Variants in SRBD1 observed in about 807,000 individuals in gnomAD.
The protein encoded by SRBD1 is S1 RNA binding domain 1.
In SRBD1, 88 loss-of-function variants were observed where a neutral mutation model predicts 115.3. That is an observed-to-expected ratio of 0.76 (90% CI 0.64 to 0.91). The LOEUF (loss-of-function observed/expected upper bound fraction) is 0.91, where lower values mean the gene tolerates loss of function less well. Among genes scored for constraint, SRBD1 ranks in the 40% least tolerant of loss-of-function variants. SRBD1 has a pLI of 0.00. For synonymous variants in SRBD1, 509 were observed against 407.7 expected, an observed-to-expected ratio of 1.25 and a Z score of -2.99; for missense variants, 1,385 against 1,177.4, an observed-to-expected ratio of 1.18 and a Z score of -2.58.
intron 14 of SRBD1, among the ~76,000 whole-genome samples, chr2:45,544,807 C>A (rs1390576572): frequency 1.3e-5 from 2 of 151,920 alleles, no homozygotes; most frequent in African/African-American, 2.4e-5. Flanking sequence ...TACAAACACA[C>A]TCATAAAAAA....
At chr2:45,396,981 T>C (rs1667164480) in intron 19 of SRBD1, among the ~76,000 whole-genome samples, 1 of 152,074 alleles carries the variant, frequency 6.6e-6, no homozygotes, top group Non-Finnish European at 1.5e-5. Flanking sequence ...AAGGGCAAAG[T>C]ACATCTAATA....
At chr2:45,418,592 A>G (rs745791158) in intron 17 of SRBD1, 51 bp from the exon 18 acceptor site, 5 of 1,541,096 alleles carry the variant, frequency 3.2e-6, no homozygotes, top group Non-Finnish European at 3.5e-6. Context: ...CTGAAAAGAC[A>G]ATGATATAAA....
chr2:45,420,013 C>T (rs1667950265), intron 16 of SRBD1, 119 bp from the exon 17 acceptor site: 1 of 849,126 alleles, frequency 1.2e-6, no homozygotes, highest in African/African-American at 1.7e-5. Flanking sequence ...TTCTTCATTC[C>T]TCTTAGACAC....
At chr2:45,392,500 T>C (rs1427056146) in intron 20 of SRBD1, among the ~76,000 whole-genome samples, 1 of 152,214 alleles carries the variant, frequency 6.6e-6, no homozygotes, top group East Asian at 1.9e-4. Flanking sequence ...ACAGAGATAT[T>C]ATCTTATTTG....
chr2:45,598,733 C>T (rs1272800744), intron 4 of SRBD1, among the ~76,000 whole-genome samples: 1 of 152,084 alleles, frequency 6.6e-6, no homozygotes, highest in Non-Finnish European at 1.5e-5. Flanking sequence ...GCCCTCAGCT[C>T]TACAGCCACA....
chr2:45,429,148 G>C (rs1220702856), intron 16 of SRBD1, among the ~76,000 whole-genome samples: 1 of 152,100 alleles, frequency 6.6e-6, no homozygotes, highest in East Asian at 1.9e-4. Flanking sequence ...AATTGAGCTA[G>C]TAATTAATAG....
chr2:45,583,005 A>G (rs988912984), intron 5 of SRBD1, among the ~76,000 whole-genome samples: 2 of 152,198 alleles, frequency 1.3e-5, no homozygotes, highest in African/African-American at 4.8e-5. Context: ...AAGGGTGGGC[A>G]CAGTAGTTCC....
At chr2:45,574,946 T>A (rs1446213907) in intron 7 of SRBD1, among the ~76,000 whole-genome samples, 1 of 152,138 alleles carries the variant, frequency 6.6e-6, no homozygotes, top group Non-Finnish European at 1.5e-5. Context: ...TGCCCAGTGG[T>A]AAAAATGCAT....
chr2:45,457,251 A>G (rs1195158314), intron 16 of SRBD1, among the ~76,000 whole-genome samples: 3 of 152,074 alleles, frequency 2.0e-5, no homozygotes, highest in East Asian at 3.9e-4. Flanking sequence ...GTCCACACAG[A>G]TTTGGGAAGC....
At chr2:45,596,946 A>ACACACC (rs1673916502) in intron 4 of SRBD1, among the ~76,000 whole-genome samples, 1 of 148,228 alleles carries the variant, frequency 6.7e-6, no homozygotes, top group Non-Finnish European at 1.5e-5. Context: ...ACACACACAC[A>ACACACC]CACACCCACA....
rs187560161 is a variant in SRBD1, at chr2:45,548,773, T to A, written c.1676-1161A>T. ...CCCACTGGCTGTAAAATGAACAGCATAAAAAGACAACTAGGATAACAAAAA... is the reference window on the plus strand; with the variant it reads ...CCCACTGGCTGTAAAATGAACAGCAAAAAAAGACAACTAGGATAACAAAAA... On this transcript the variant is annotated intron_variant, in intron 12 of 20. Coordinates refer to ENST00000263736, the MANE Select transcript of SRBD1 (RefSeq NM_018079.5). Among the ~76,000 whole-genome samples the A allele has an allele frequency of 5.2e-4, 75 of 144,146 alleles. 2 individuals carry two copies. In the East Asian group the frequency reaches 9.7e-3, roughly 19 times the overall value. 94.6% of individuals were successfully genotyped at this position (144,146 alleles called of 152,430 possible).
intron 16 of SRBD1, among the ~76,000 whole-genome samples, chr2:45,421,510 C>CAAAAAAAAAAA (rs869298079): frequency 4.0e-4 from 9 of 22,300 alleles, no homozygotes; most frequent in Admixed American, 7.2e-4. Flanking sequence ...CCGTCTCAAA[C>CAAAAAAAAAAA]AAAAAAAAAA....
intron 15 of SRBD1, among the ~76,000 whole-genome samples, chr2:45,477,903 TAG>T (rs1235361525): frequency 2.0e-5 from 3 of 152,142 alleles, no homozygotes; most frequent in African/African-American, 7.2e-5. Context: ...CAAGAAACTT[TAG>T]AGTTAATTTC....
Position 45,419,785 on chromosome 2 carries a change from C to T in SRBD1, c.2156+3G>A, listed in dbSNP as rs761140160. On this transcript the variant is annotated splice_donor_region_variant and intron_variant, in intron 17 of 20. Coordinates refer to ENST00000263736, the MANE Select transcript of SRBD1 (RefSeq NM_018079.5). ...GTGATCTTCAGCCACATATTTGTCTCACCTTAACAAAACTTCTGAACAGAT... is the reference window on the plus strand; with the variant it reads ...GTGATCTTCAGCCACATATTTGTCTTACCTTAACAAAACTTCTGAACAGAT... 7 of 1,612,934 alleles carry T rather than the reference C, an allele frequency of 4.3e-6. No homozygotes were observed. The African/African-American group carries it at 9.3e-5, about 22-fold the overall frequency.
In SRBD1 at chr2:45,431,569, G is replaced by C. The variant is rs376242364; in HGVS notation, c.2050-11675C>G. On this transcript the variant is annotated intron_variant, in intron 16 of 20. Transcript: ENST00000263736. ...ATGTTCTCACTCATAAATGGGAGTT[G>C]AACAATGAGAACACATGGACAAAGG... 6.1e-4 allele frequency among the ~76,000 whole-genome samples: 93 copies of C among 152,218 alleles called. 1 individual carries two copies. The highest frequency in any genetic ancestry group is 1.5e-3 in the East Asian group (8 of 5,174).
At chr2:45,598,614 A>G (rs1673982571) in intron 4 of SRBD1, among the ~76,000 whole-genome samples, 1 of 152,144 alleles carries the variant, frequency 6.6e-6, no homozygotes, top group Non-Finnish European at 1.5e-5. Flanking sequence ...CAAAAAAAAA[A>G]AAAAATTACG....
intron 12 of SRBD1, chr2:45,548,870 T>G (rs756910506): frequency 6.6e-6 from 1 of 151,812 alleles, no homozygotes; most frequent in African/African-American, 2.4e-5. Context: ...AAAAAGCAGG[T>G]GGGAACAATG....
intron 16 of SRBD1, among the ~76,000 whole-genome samples, chr2:45,457,944 A>G (rs528006248): frequency 6.6e-6 from 1 of 152,220 alleles, no homozygotes; most frequent in Admixed American, 6.5e-5. Flanking sequence ...GACTTTTTAC[A>G]AATTTTAAAC....
At chr2:45,492,014 GT>G (rs1355125253) in intron 14 of SRBD1, among the ~76,000 whole-genome samples, 1 of 152,064 alleles carries the variant, frequency 6.6e-6, no homozygotes, top group Non-Finnish European at 1.5e-5. Flanking sequence ...TAGAGACGGG[GT>G]TTTGCCGTGT....
Sources: allele counts gnomAD v4.1 joint callset (sites outside exome capture counted in the v4.1 genomes callset), GRCh38; gene constraint gnomAD v4.1.1; transcripts MANE v1.5; gene names NCBI Gene and HGNC (gene_info 2026-07-23, HGNC 2026-07-21).